The following ATP7A variants were observed in gnomAD, a reference collection of about 807,000 sequenced individuals.
ATP7A encodes copper-transporting ATPase 1.
Under a neutral mutation model 83.5 loss-of-function variants are expected in ATP7A, and 7 were observed. That is an observed-to-expected ratio of 0.08 (90% CI 0.05 to 0.16). The LOEUF is 0.16. ATP7A is among the 10% of genes least tolerant of loss of function. The probability of loss-of-function intolerance (pLI) is 1.00; values close to 1 mark genes in which losing one functional copy is unlikely to be tolerated. For missense variants in ATP7A, 940 were observed against 1,120.8 expected (o/e 0.84, Z 2.30); for synonymous variants, 354 against 395.2 (o/e 0.90, Z 1.24).
Position 78,027,512 on chromosome X carries a change from C to T in ATP7A, c.2917-1738C>T, listed in dbSNP as rs939319416. Among the ~76,000 whole-genome samples the T allele has an allele frequency of 8.1e-5, 9 of 111,713 alleles. No individual in the cohort carries two copies. The South Asian group carries it at 2.2e-3, about 28-fold the overall frequency. On this transcript the variant is annotated intron_variant, in intron 14 of 22. Transcript: ENST00000341514. Reference sequence around the variant, plus strand: ...TGGATTGGAAGCATTAATATTAAAACTACCATACTGTCCAAAGCAATCTAT... The same window carrying T: ...TGGATTGGAAGCATTAATATTAAAATTACCATACTGTCCAAAGCAATCTAT...
At position 77,998,634 on chromosome X, in the gene ATP7A, C is replaced by G. The variant is rs1557232810; in HGVS notation, c.1493C>G (p.Thr498Ser). ...SKCYIQVTGM[T>S]CASCVANIER... ...TGTTACATACAGGTCACTGGCATGA[C>G]TTGCGCTTCCTGTGTAGCAAACATT... The change falls in exon 5 of 23, where the codon ACT becomes AGT. Residue 498 changes from threonine (T) to serine (S), a missense_variant. Transcript: ENST00000341514. 8 of 1,211,836 alleles carry G rather than the reference C, an allele frequency of 6.6e-6. No homozygotes were observed. Among genetic ancestry groups the G allele is most frequent in the South Asian group, 3.5e-5 (2 of 56,985 alleles).
At chrX:78,010,112 A>G in intron 7 of ATP7A, among the ~76,000 whole-genome samples, 1 of 112,660 alleles carries the variant, frequency 8.9e-6, no homozygotes, top group South Asian at 3.7e-4. Context: ...TGACATTATC[A>G]TTACCATTTT....
intron 1 of ATP7A, among the ~76,000 whole-genome samples, chrX:77,931,502 C>A (rs1248565347): frequency 2.7e-4 from 30 of 112,696 alleles, no homozygotes; most frequent in South Asian, 7.2e-4. Flanking sequence ...CATTGTCATC[C>A]CGGCCCGTTC....
At chrX:78,018,928 C>T (rs1035280623) in intron 12 of ATP7A, among the ~76,000 whole-genome samples, 3 of 111,178 alleles carry the variant, frequency 2.7e-5, no homozygotes, top group Admixed American at 1.9e-4. Context: ...CATCAGATCT[C>T]GTGAAAACTC....
At chrX:77,918,416 G>A (rs1557222776) in intron 1 of ATP7A, among the ~76,000 whole-genome samples, 4 of 110,925 alleles carry the variant, frequency 3.6e-5, no homozygotes, top group African/African-American at 1.3e-4. Context: ...CACCAGAAAA[G>A]TAGAAATGAT....
intron 1 of ATP7A, among the ~76,000 whole-genome samples, chrX:77,942,537 C>T (rs892256087): frequency 7.3e-5 from 8 of 109,705 alleles, no homozygotes; most frequent in Admixed American, 2.0e-4. Flanking sequence ...CAGCCTTGAC[C>T]GGGTCCCAAG....
intron 1 of ATP7A, among the ~76,000 whole-genome samples, chrX:77,952,463 G>C (rs139642014): frequency 9.0e-6 from 1 of 111,530 alleles, no homozygotes; most frequent in African/African-American, 3.2e-5. Context: ...GTATGATGTG[G>C]GGCATCTTTT....
chrX:78,046,294 T>C lies in ATP7A; in HGVS notation c.4227T>C (p.Leu1409=). The C allele has an allele frequency of 8.3e-7, 1 of 1,211,480 alleles. No individual in the cohort carries two copies. Among genetic ancestry groups the C allele is most frequent in the Non-Finnish European group, 1.1e-6 (1 of 895,267 alleles). Residue 1409 remains leucine, a splice_region_variant and synonymous_variant, in exon 23 of 23, where the codon CTT becomes CTC. Coordinates refer to ENST00000341514, the MANE Select transcript of ATP7A (RefSeq NM_000052.7). ...SVVLSSLFLK[L]YRKPTYESYE... is the part of the protein sequence containing the mutation. ...CTAGCATACTTTTGCATATGTCCAG[T>C]TACAGGAAACCAACTTACGAGAGTT...
intron 1 of ATP7A, among the ~76,000 whole-genome samples, chrX:77,918,848 A>G (rs1557222821): frequency 9.0e-6 from 1 of 111,449 alleles, no homozygotes; most frequent in East Asian, 2.8e-4. Flanking sequence ...CTAGTCCTGT[A>G]TTCCCTTCAA....
At chrX:78,017,870 G>T (rs1296845257) in intron 12 of ATP7A, among the ~76,000 whole-genome samples, 2 of 96,768 alleles carry the variant, frequency 2.1e-5, no homozygotes, top group Non-Finnish European at 4.0e-5. Context: ...TCTGCCTCCC[G>T]GTTCACCCCA....
intron 2 of ATP7A, chrX:77,975,795 T>C (rs1327954788): frequency 8.9e-6 from 1 of 112,011 alleles, no homozygotes; most frequent in African/African-American, 3.2e-5. Flanking sequence ...CCAGCCTGAA[T>C]TGCTTACCCT....
intron 1 of ATP7A, chrX:77,968,770 G>T: frequency 9.5e-7 from 1 of 1,050,138 alleles, no homozygotes; most frequent in Non-Finnish European, 1.3e-6. Context: ...TACAACTCAA[G>T]ATGTCTACAG....
chrX:78,026,192 C>A (rs1281403751), intron 14 of ATP7A, among the ~76,000 whole-genome samples: 1 of 111,169 alleles, frequency 9.0e-6, no homozygotes, highest in African/African-American at 3.3e-5. Context: ...ATCAAGAGAC[C>A]CATCTCAAAG....
At chrX:78,037,027 C>T (rs1296275491) in intron 17 of ATP7A, among the ~76,000 whole-genome samples, 1 of 111,456 alleles carries the variant, frequency 9.0e-6, no homozygotes. Flanking sequence ...GTGGCCTAAG[C>T]AGTTAGAAGG....
chrX:77,924,308 A>G (rs1557223388), intron 1 of ATP7A: 1 of 112,230 alleles, frequency 8.9e-6, no homozygotes, highest in African/African-American at 3.2e-5. Context: ...ATTTGTCTTG[A>G]TTTCTGTTCA....
chrX:77,947,525 G>A (rs2077386825), intron 1 of ATP7A, among the ~76,000 whole-genome samples: 1 of 108,457 alleles, frequency 9.2e-6, no homozygotes, highest in Admixed American at 9.9e-5. Flanking sequence ...TGCAACCTCC[G>A]TCTCCCGGGT....
chrX:78,000,029 TAAA>T (rs2077730026), intron 5 of ATP7A, among the ~76,000 whole-genome samples: 1 of 110,990 alleles, frequency 9.0e-6, no homozygotes, highest in Non-Finnish European at 1.9e-5. Context: ...CAGAGCTAAA[TAAA>T]GAAGTATGGA....
At chrX:77,951,037 A>T (rs1018628917) in intron 1 of ATP7A, among the ~76,000 whole-genome samples, 238 of 111,299 alleles carry the variant, frequency 2.1e-3, no homozygotes, top group African/African-American at 7.4e-3. Flanking sequence ...GAAAAAAATT[A>T]AAAAAAATTT....
At chrX:77,982,116 T>G (rs1198756343) in intron 2 of ATP7A, among the ~76,000 whole-genome samples, 1 of 111,699 alleles carries the variant, frequency 9.0e-6, no homozygotes, top group East Asian at 2.8e-4. Context: ...TATAAATAAT[T>G]TTTAGTTGAT....
Sources: gnomAD v4.1 joint callset for allele counts (sites outside exome capture counted in the v4.1 genomes callset) on GRCh38, gnomAD v4.1.1 for gene constraint, MANE v1.5 for transcripts, NCBI Gene and HGNC (gene_info 2026-07-23, HGNC 2026-07-21) for gene names.